BSDC1: variants seen among roughly 807,000 people sequenced by gnomAD.
The protein encoded by BSDC1 is BSD domain containing 1.
BSDC1 carries 29 observed loss-of-function variants against 56.0 expected under a neutral mutation model. The observed-to-expected ratio is 0.52, with a 90% confidence interval of 0.39 to 0.71. The LOEUF (loss-of-function observed/expected upper bound fraction) is 0.71, where lower values mean the gene tolerates loss of function less well. BSDC1 is among the 30% of genes least tolerant of loss of function. BSDC1 has a pLI of 0.00. For synonymous variants in BSDC1, 210 were observed against 215.3 expected (o/e 0.98, Z 0.21); for missense variants, 477 against 548.5 (o/e 0.87, Z 1.30).
At position 32,386,969 on chromosome 1, in the gene BSDC1, C is replaced by T; in HGVS notation, c.73-74G>A. 2.7e-6 allele frequency: 3 copies of T among 1,110,344 alleles called. No individual in the cohort carries two copies. The South Asian group carries it at 3.9e-5, about 15-fold the overall frequency. The allele number at this position is 1,110,344 out of a possible 1,614,324, so 68.8% of individuals were successfully genotyped here. Reference sequence around the variant, plus strand: ...CTTGTTCCTGTTCCCTGTGTTTCTTCAGTACCAGACAGACAAATGGAAATC... The same window carrying T: ...CTTGTTCCTGTTCCCTGTGTTTCTTTAGTACCAGACAGACAAATGGAAATC... On this transcript the variant is annotated intron_variant, in intron 2 of 10. Transcript: ENST00000455895.
chr1:32,373,702 T>C (rs1557639310), intron 9 of BSDC1, among the ~76,000 whole-genome samples: 1 of 152,042 alleles, frequency 6.6e-6, no homozygotes, highest in Non-Finnish European at 1.5e-5. Flanking sequence ...TTGTATTTTC[T>C]GTAGAGATGG....
chr1:32,372,859 G>A (rs146207400), intron 9 of BSDC1, among the ~76,000 whole-genome samples: 32 of 152,280 alleles, frequency 2.1e-4, no homozygotes, highest in South Asian at 8.3e-4. Context: ...TAGGTCACAC[G>A]GTCATGAAGT....
chr1:32,386,915 G>A lies in BSDC1; in HGVS notation c.73-20C>T, dbSNP rs772023187. 1 of 1,597,920 alleles carries A rather than the reference G, an allele frequency of 6.3e-7. No homozygotes were observed. The highest frequency in any genetic ancestry group is 8.6e-7 in the Non-Finnish European group (1 of 1,167,244). ...AGAGGACTGTGGGAAGACAGAGAGG[G>A]ATGCCAGGGCCAGCTGGCCCCACCA... is the stretch of plus-strand genomic sequence containing the variant. On this transcript the variant is annotated intron_variant, in intron 2 of 10. Transcript: ENST00000455895.
At chr1:32,383,514 G>T (rs969056354) in intron 4 of BSDC1, among the ~76,000 whole-genome samples, 1 of 150,778 alleles carries the variant, frequency 6.6e-6, no homozygotes, top group African/African-American at 2.4e-5. Context: ...TTAAAAGTAG[G>T]TTACAAAACT....
At chr1:32,377,144 A>T (rs943874842) in intron 8 of BSDC1, among the ~76,000 whole-genome samples, 10 of 152,120 alleles carry the variant, frequency 6.6e-5, no homozygotes, top group Non-Finnish European at 1.2e-4. Context: ...TCAAAACGAA[A>T]AAAAAAAGAC....
At chr1:32,369,168 G>T in intron 9 of BSDC1, 1 of 826,672 alleles carries the variant, frequency 1.2e-6, no homozygotes, top group Non-Finnish European at 1.7e-6. Flanking sequence ...AACACTGTAG[G>T]CTGTTAGAGG....
In BSDC1 at chr1:32,365,309, C is replaced by G. The variant is rs1372004313; in HGVS notation, c.*1313G>C. The G allele has an allele frequency of 6.6e-6, 1 of 152,128 alleles. No individual in the cohort carries two copies. Among genetic ancestry groups the G allele is most frequent in the African/African-American group, 2.4e-5 (1 of 41,246 alleles). The allele number at this position is 152,128 out of a possible 1,614,324, so 9.4% of individuals were successfully genotyped here. A position where few individuals can be genotyped will look rare whatever the true frequency, so the allele number is the denominator to read the frequency against. ...AAATATATAATATTGCACAAACAAC[C>G]AAAAGGTTAATTAAACTAAAGAAAT... On this transcript the variant is annotated 3_prime_UTR_variant, in exon 11 of 11. Coordinates refer to ENST00000455895, the MANE Select transcript of BSDC1 (RefSeq NM_018045.8).
chr1:32,380,495 A>C (rs1460543664), intron 5 of BSDC1, among the ~76,000 whole-genome samples: 3 of 152,104 alleles, frequency 2.0e-5, no homozygotes, highest in Non-Finnish European at 4.4e-5. Flanking sequence ...AAAATACAAA[A>C]ATTAGCCAGA....
At chr1:32,394,012 G>A (rs1642959651) in intron 2 of BSDC1, 68 bp downstream of exon 2, 2 of 1,526,494 alleles carry the variant, frequency 1.3e-6, no homozygotes, top group Non-Finnish European at 1.8e-6. Context: ...GGCGGGGCTG[G>A]TTGGACCAGG....
At chr1:32,368,032 CTTTTTTTT>C in intron 10 of BSDC1, 2 of 1,025,766 alleles carry the variant, frequency 1.9e-6, no homozygotes, top group Non-Finnish European at 2.4e-6. Flanking sequence ...TTCTTTTTTC[CTTTTTTTT>C]TTTTTTTCAA....
intron 5 of BSDC1, among the ~76,000 whole-genome samples, chr1:32,380,354 C>A (rs1170549480): frequency 6.6e-6 from 1 of 152,114 alleles, no homozygotes; most frequent in Non-Finnish European, 1.5e-5. Context: ...ACCTTAAAAC[C>A]CCAACTCCGT....
At chr1:32,368,669 AT>A (rs1204734059) in intron 9 of BSDC1, 119 bp from the exon 10 acceptor site, 29 of 1,405,056 alleles carry the variant, frequency 2.1e-5, no homozygotes, top group Non-Finnish European at 2.0e-5. Context: ...AAGTCTTTAC[AT>A]TTTGTGTTCA....
chr1:32,372,201 G>A (rs1642117552), intron 9 of BSDC1, among the ~76,000 whole-genome samples: 1 of 152,136 alleles, frequency 6.6e-6, no homozygotes, highest in African/African-American at 2.4e-5. Context: ...TTCTGTACAC[G>A]GTACCTCAGG....
rs1292915708 is a variant in BSDC1 at position 32,376,717 on chromosome 1, A to G, written c.701T>C (p.Ile234Thr). ...AGGAACCTTTGCCTCTTTTGGAGAT[A>G]TGGGTGAAATGCCCATGAGCTCCTC... ...EEEELMGISP[I>T]SPKEAKVPVA... The change falls in exon 9 of 11, where the codon ATA becomes ACA. Residue 234 changes from isoleucine to threonine, a missense_variant. Physicochemically the swap from Ile to Thr is moderately conservative, Grantham distance 89 (BLOSUM62 -1). Coordinates refer to ENST00000455895, the MANE Select transcript of BSDC1 (RefSeq NM_018045.8). The G allele has an allele frequency of 7.1e-7, 1 of 1,416,444 alleles. No individual in the cohort carries two copies. The highest frequency in any genetic ancestry group is 9.3e-7 in the Non-Finnish European group (1 of 1,073,866). 87.7% of individuals were successfully genotyped at this position (1,416,444 alleles called of 1,614,324 possible).
chr1:32,364,975 G>A lies in BSDC1; in HGVS notation c.*1647C>T, dbSNP rs1641789999. 1 of 152,294 alleles carries A rather than the reference G, an allele frequency of 6.6e-6. No homozygotes were observed. The highest frequency in any genetic ancestry group is 2.4e-5 in the African/African-American group (1 of 41,432). 9.4% of individuals were successfully genotyped at this position (152,294 alleles called of 1,614,324 possible). On this transcript the variant is annotated 3_prime_UTR_variant, in exon 11 of 11. Coordinates refer to ENST00000455895, the MANE Select transcript of BSDC1 (RefSeq NM_018045.8). ...ATCCCAAAGGCAAAGCTGAATCTGGGATGAGGACAAGGTACGTCCTCTGGA... is the reference window on the plus strand; with the variant it reads ...ATCCCAAAGGCAAAGCTGAATCTGGAATGAGGACAAGGTACGTCCTCTGGA...
At chr1:32,368,365 G>A in intron 10 of BSDC1, 82 bp downstream of exon 10, 1 of 1,614,116 alleles carries the variant, frequency 6.2e-7, no homozygotes, top group Non-Finnish European at 8.5e-7. Context: ...CCCTCCTGAG[G>A]GGACAGCTGG....
In BSDC1 at chr1:32,376,267, T is replaced by C; in HGVS notation, c.1151A>G (p.Lys384Arg). ...GCTTGGACCTCCAGACCTACCTTTC[T>C]TTCCATTGTTGGAGGGTGTAGACTT... Reference protein sequence around the residue: ...SGKSTPSNNGKKGSSTDISED... With the variant: ...SGKSTPSNNGRKGSSTDISED... The change falls in exon 9 of 11, where the codon AAG becomes AGG. Residue 384 changes from lysine to arginine, a missense_variant. Physicochemically the swap from Lys to Arg is conservative, Grantham distance 26. Transcript: ENST00000455895. 1 of 1,495,204 alleles carries C rather than the reference T, an allele frequency of 6.7e-7. No individual in the cohort carries two copies. The highest frequency in any genetic ancestry group is 9.0e-7 in the Non-Finnish European group (1 of 1,112,360). 92.6% of individuals were successfully genotyped at this position (1,495,204 alleles called of 1,614,324 possible). A position where few individuals can be genotyped will look rare whatever the true frequency, so the allele number is the denominator to read the frequency against.
At chr1:32,384,332 G>A (rs550635155) in intron 3 of BSDC1, among the ~76,000 whole-genome samples, 1 of 152,322 alleles carries the variant, frequency 6.6e-6, no homozygotes, top group South Asian at 2.1e-4. Flanking sequence ...GAGCCTATGG[G>A]TAGAGTGGTG....
At chr1:32,376,880 C>T in intron 8 of BSDC1, 139 bp from the exon 9 acceptor site, 1 of 1,037,006 alleles carries the variant, frequency 9.6e-7, no homozygotes, top group African/African-American at 1.6e-5. Context: ...CCTGTAATCC[C>T]ACCACTTTGG....
Sources: allele counts gnomAD v4.1 joint callset (sites outside exome capture counted in the v4.1 genomes callset), GRCh38; gene constraint gnomAD v4.1.1; transcripts MANE v1.5; gene names NCBI Gene and HGNC (gene_info 2026-07-23, HGNC 2026-07-21).